PLBD1: variants seen among roughly 807,000 people sequenced by gnomAD.
PLBD1 encodes the protein lysosomal leucine aminopeptidase.
Under a neutral mutation model 63.0 loss-of-function variants are expected in PLBD1, and 60 were observed. The observed-to-expected ratio is 0.95, with a 90% CI of 0.77 to 1.18. The LOEUF is 1.18. PLBD1 is among the 50% of genes most tolerant of loss of function. PLBD1 has a pLI of 0.00. For missense variants in PLBD1, 598 were observed against 677.9 expected (o/e 0.88, Z 1.31); for synonymous variants, 262 against 248.0 (o/e 1.06, Z -0.53).
chr12:14,537,088 CAAAAAAAAAAA>C (rs371859037), intron 4 of PLBD1, among the ~76,000 whole-genome samples: 4 of 53,434 alleles, frequency 7.5e-5, no homozygotes, highest in Non-Finnish European at 1.2e-4. Context: ...GACCGCATCT[CAAAAAAAAAAA>C]AAAAAAAAAA....
chr12:14,535,631 G>A (rs765985685), intron 6 of PLBD1, 28 bp downstream of exon 6: 4 of 1,611,140 alleles, frequency 2.5e-6, no homozygotes, highest in Non-Finnish European at 3.4e-6. Flanking sequence ...TACTCAAAGT[G>A]CTCAGATGTT....
rs762004759 is a variant in PLBD1 at position 14,506,162 on chromosome 12, C to T, written c.1479G>A (p.Lys493=). 1.3e-6 allele frequency: 2 copies of T among 1,598,886 alleles called. No individual in the cohort carries two copies. The highest frequency in any genetic ancestry group is 1.3e-5 in the African/African-American group (1 of 74,526). The change falls in exon 10 of 11, where the codon AAG becomes AAA. Residue 493 remains lysine, a splice_region_variant and synonymous_variant. Transcript: ENST00000240617. ...NPSPGGCYDT[K]VADIYLASQY... ...AATTCAAAAGCCAATAGCATGTTAC[C>T]TTTGTGTCATAACAACCTCCAGGAC...
rs1021813922 is a variant in PLBD1, at chr12:14,559,953, C to T, written c.116-6541G>A. ...TTGGCTCACCACAGCCTCCGCCTCC[C>T]GGGTTCAAGCGATTCTCCTGCCTCA... On this transcript the variant is annotated intron_variant, in intron 1 of 10. Transcript: ENST00000240617. Among the ~76,000 whole-genome samples the T allele has an allele frequency of 7.2e-5, 11 of 152,084 alleles. No individual in the cohort carries two copies. In the South Asian group the frequency reaches 1.0e-3, roughly 14 times the overall value.
intron 1 of PLBD1, among the ~76,000 whole-genome samples, chr12:14,562,344 C>T (rs907306286): frequency 6.6e-6 from 1 of 151,402 alleles, no homozygotes; most frequent in Admixed American, 6.6e-5. Context: ...CTTGTAATCC[C>T]AGCTACCTGG....
chr12:14,551,193 T>A (rs1417412558), intron 2 of PLBD1, among the ~76,000 whole-genome samples: 1 of 152,058 alleles, frequency 6.6e-6, no homozygotes, highest in Non-Finnish European at 1.5e-5. Context: ...TGAAACCCCA[T>A]CCCTACTAAA....
intron 8 of PLBD1, 107 bp downstream of exon 8, chr12:14,511,153 C>T (rs749413227): frequency 4.5e-5 from 50 of 1,116,632 alleles, no homozygotes; most frequent in Non-Finnish European, 6.0e-5. Context: ...CCTGTCTTCC[C>T]CACCATACCC....
chr12:14,510,361 T>C (rs1457688708), intron 8 of PLBD1, among the ~76,000 whole-genome samples: 1 of 152,236 alleles, frequency 6.6e-6, no homozygotes, highest in African/African-American at 2.4e-5. Flanking sequence ...ACCACCGTAC[T>C]CCAGCCTGGG....
intron 8 of PLBD1, among the ~76,000 whole-genome samples, chr12:14,509,380 T>A (rs1945278900): frequency 6.6e-6 from 1 of 152,158 alleles, no homozygotes; most frequent in Non-Finnish European, 1.5e-5. Context: ...CATCTCTCTC[T>A]CTTGAGGCAT....
At chr12:14,528,819 A>G (rs546937559) in intron 6 of PLBD1, among the ~76,000 whole-genome samples, 1 of 152,202 alleles carries the variant, frequency 6.6e-6, no homozygotes, top group Non-Finnish European at 1.5e-5. Flanking sequence ...TAAGAGGTTA[A>G]GAAAAACATT....
In PLBD1 at chr12:14,530,972, C is replaced by T. The variant is rs189346198; in HGVS notation, c.844+4687G>A. On this transcript the variant is annotated intron_variant, in intron 6 of 10. Coordinates refer to ENST00000240617, the MANE Select transcript of PLBD1 (RefSeq NM_024829.6). ...TTCAAAGCCACTTTCCTTTGGGTAT[C>T]CAGTGCCTCAGGCAAGTGTTTTTTG... 2.0e-5 allele frequency: 3 copies of T among 152,188 alleles called. No individual in the cohort carries two copies. In the East Asian group the frequency reaches 5.8e-4, roughly 29 times the overall value. 9.4% of individuals were successfully genotyped at this position (152,188 alleles called of 1,614,324 possible).
At chr12:14,516,304 C>T (rs10128848) in intron 6 of PLBD1, among the ~76,000 whole-genome samples, 1 of 151,910 alleles carries the variant, frequency 6.6e-6, no homozygotes, top group South Asian at 2.1e-4. Context: ...ACTCTAGCCT[C>T]GGTGACAGAG....
At position 14,567,643 on chromosome 12, in the gene PLBD1, A is replaced by C. The variant is rs1474587438; in HGVS notation, c.54T>G (p.Leu18=). ...GRPGLPQPPP[L]LLLLLLLPLL... is the part of the protein sequence containing the mutation. The stretch of plus-strand genomic sequence containing the variant: ...GCGGCAGCAGCAGCAGCAGCAGCAG[A>C]AGCGGTGGCGGCTGTGGCAGCCCCG... Residue 18 remains leucine (L), a synonymous_variant, in exon 1 of 11, where the codon CTT becomes CTG. Coordinates refer to ENST00000240617, the MANE Select transcript of PLBD1 (RefSeq NM_024829.6). 5 of 1,488,612 alleles carry C rather than the reference A, an allele frequency of 3.4e-6. No individual in the cohort carries two copies. Among genetic ancestry groups the C allele is most frequent in the African/African-American group, 1.5e-5 (1 of 66,272 alleles). 92.2% of individuals were successfully genotyped at this position (1,488,612 alleles called of 1,614,324 possible).
intron 2 of PLBD1, among the ~76,000 whole-genome samples, chr12:14,548,726 T>C (rs1484446482): frequency 6.6e-6 from 1 of 152,198 alleles, no homozygotes; most frequent in African/African-American, 2.4e-5. Flanking sequence ...GAGTTGCCTT[T>C]GAAGAATGTA....
chr12:14,540,767 T>C lies in PLBD1; in HGVS notation c.555A>G (p.Thr185=). The C allele has an allele frequency of 1.9e-6, 3 of 1,591,658 alleles. No individual in the cohort carries two copies. The highest frequency in any genetic ancestry group is 2.6e-6 in the Non-Finnish European group (3 of 1,165,054). Residue 185 remains threonine (T), a synonymous_variant, in exon 4 of 11, where the codon ACA becomes ACG. Transcript: ENST00000240617. ...GAKKRAILEG[T]KPMTLFQIQF... is the part of the protein sequence containing the mutation. ...AGAAGCTTGTTTAAAGTCCTACCTT[T>C]GTCCCTTCTAATATAGCCCTCTTCT...
chr12:14,536,725 A>C lies in PLBD1; in HGVS notation c.559-15T>G. On this transcript the variant is annotated splice_polypyrimidine_tract_variant and intron_variant, in intron 4 of 10. Coordinates refer to ENST00000240617, the MANE Select transcript of PLBD1 (RefSeq NM_024829.6). ...AGGGTCATTGGCTAGGAAAGGACAA[A>C]GACTGCACTTAACATCGTTTTGTGA... 6.2e-7 allele frequency: 1 copy of C among 1,612,442 alleles called. No individual in the cohort carries two copies. The highest frequency in any genetic ancestry group is 8.5e-7 in the Non-Finnish European group (1 of 1,178,894).
chr12:14,533,586 G>A (rs1262929411), intron 6 of PLBD1, among the ~76,000 whole-genome samples: 1 of 152,176 alleles, frequency 6.6e-6, no homozygotes, highest in Non-Finnish European at 1.5e-5. Context: ...TCAAAGCAGT[G>A]CACATAACAT....
chr12:14,553,195 G>T lies in PLBD1; in HGVS notation c.333C>A (p.Ala111=), dbSNP rs1292810204. The T allele has an allele frequency of 1.2e-6, 2 of 1,608,148 alleles. No homozygotes were observed. The highest frequency in any genetic ancestry group is 2.7e-5 in the African/African-American group (2 of 74,884). The change falls in exon 2 of 11, where the codon GCC becomes GCA. Residue 111 remains alanine, a splice_region_variant and synonymous_variant. Coordinates refer to ENST00000240617, the MANE Select transcript of PLBD1 (RefSeq NM_024829.6). ...TCTACCATGACTGGGATACTTACGG[G>T]GCAGTGAGGTAACCCTCCAAAAAGC... ...VAGFLEGYLT[A]PHMNDHYTNL... is the part of the protein sequence containing the mutation.
chr12:14,561,013 A>G (rs1945739355), intron 1 of PLBD1, among the ~76,000 whole-genome samples: 2 of 151,928 alleles, frequency 1.3e-5, no homozygotes, highest in South Asian at 4.2e-4. Flanking sequence ...CTCCAGGACT[A>G]AGTGGCTGTG....
intron 6 of PLBD1, among the ~76,000 whole-genome samples, chr12:14,518,740 A>G (rs987579453): frequency 6.6e-6 from 1 of 152,144 alleles, no homozygotes; most frequent in African/African-American, 2.4e-5. Flanking sequence ...TGATTATAAT[A>G]TGCAAGGCTC....
Sources: allele counts gnomAD v4.1 joint callset (sites outside exome capture counted in the v4.1 genomes callset), GRCh38; gene constraint gnomAD v4.1.1; transcripts MANE v1.5; gene names NCBI Gene and HGNC (gene_info 2026-07-23, HGNC 2026-07-21).